Variants in PSD3 observed in about 807,000 individuals in gnomAD.
PSD3 encodes the protein pleckstrin and Sec7 domain containing 3.
PSD3 carries 49 observed loss-of-function variants against 105.5 expected under a neutral mutation model. The ratio of observed to expected loss-of-function variants is 0.46; its 90% CI spans 0.37 to 0.59. PSD3 has a LOEUF of 0.59. Among genes scored for constraint, PSD3 ranks in the 20% least tolerant of loss-of-function variants. The pLI, the probability that PSD3 is intolerant of heterozygous loss-of-function variation, is 0.00. For missense variants in PSD3, 1,561 were observed against 1,263.8 expected (o/e 1.24, Z -3.57); for synonymous variants, 557 against 457.8 (o/e 1.22, Z -2.77).
At chr8:18,668,198 C>A (rs1216432451) in intron 9 of PSD3, among the ~76,000 whole-genome samples, 1 of 152,174 alleles carries the variant, frequency 6.6e-6, no homozygotes, top group Non-Finnish European at 1.5e-5. Flanking sequence ...CGAGGGGTTG[C>A]GGAGAGTGAG....
intron 1 of PSD3, among the ~76,000 whole-genome samples, chr8:19,007,031 G>C (rs1826712585): frequency 6.6e-6 from 1 of 152,070 alleles, no homozygotes; most frequent in Admixed American, 6.6e-5. Flanking sequence ...GAGGGGGACA[G>C]ATCACCTGAG....
At chr8:18,889,672 T>C (rs1818660575) in intron 2 of PSD3, among the ~76,000 whole-genome samples, 1 of 152,316 alleles carries the variant, frequency 6.6e-6, no homozygotes, top group South Asian at 2.1e-4. Context: ...TGTTTCCCTG[T>C]GATCCCGTGC....
intron 8 of PSD3, among the ~76,000 whole-genome samples, chr8:18,772,959 A>G (rs1464140861): frequency 2.6e-5 from 4 of 152,170 alleles, no homozygotes; most frequent in Admixed American, 2.0e-4. Context: ...TGATTTGTAA[A>G]TATTTTATTC....
In PSD3 at chr8:18,872,258, T is replaced by G; in HGVS notation, c.606A>C (p.Glu202Asp). 3.1e-6 allele frequency: 5 copies of G among 1,614,220 alleles called. No individual in the cohort carries two copies. The highest frequency in any genetic ancestry group is 2.5e-6 in the Non-Finnish European group (3 of 1,180,036). Residue 202 changes from glutamate (E) to aspartate (D), a missense_variant, in exon 3 of 16, where the codon GAA becomes GAC. Physicochemically the swap from Glu to Asp is conservative, Grantham distance 45. Transcript: ENST00000327040. ...AATAAAAACTTTCCTCCGTTGTTAC[T>G]TCAGCTGAAAGAGGTATTTCTGGTA... ...KNLPEIPLSAEVTTEESFYLS... is the reference protein window; with the variant it reads ...KNLPEIPLSADVTTEESFYLS...
intron 9 of PSD3, among the ~76,000 whole-genome samples, chr8:18,720,605 T>A (rs576488275): frequency 6.6e-6 from 1 of 152,128 alleles, no homozygotes; most frequent in African/African-American, 2.4e-5. Flanking sequence ...GAAATGAAAA[T>A]TGATTCTTAC....
intron 12 of PSD3, among the ~76,000 whole-genome samples, chr8:18,594,970 T>C (rs1291370601): frequency 6.6e-6 from 1 of 152,002 alleles, no homozygotes; most frequent in Non-Finnish European, 1.5e-5. Flanking sequence ...TGAGCATATG[T>C]AGGAAAAATA....
At chr8:18,949,872 TCA>T (rs1238396417) in intron 1 of PSD3, among the ~76,000 whole-genome samples, 1 of 151,850 alleles carries the variant, frequency 6.6e-6, no homozygotes, top group African/African-American at 2.4e-5. Context: ...ATAAATTTTT[TCA>T]TCATATTTTA....
chr8:18,978,236 C>A (rs1033980079), intron 1 of PSD3, among the ~76,000 whole-genome samples: 1 of 152,242 alleles, frequency 6.6e-6, no homozygotes, highest in Admixed American at 6.5e-5. Context: ...CACGTCCACA[C>A]GCTGGGTTTC....
At chr8:19,076,122 G>C (rs907576727) in intron 1 of PSD3, among the ~76,000 whole-genome samples, 1 of 152,110 alleles carries the variant, frequency 6.6e-6, no homozygotes, top group Admixed American at 6.5e-5. Flanking sequence ...ACGGTGGAAG[G>C]GCAGTTTGCA....
intron 14 of PSD3, among the ~76,000 whole-genome samples, chr8:18,571,732 A>G (rs1424656304): frequency 6.6e-6 from 1 of 152,176 alleles, no homozygotes; most frequent in Admixed American, 6.5e-5. Flanking sequence ...GATATCAAAG[A>G]TGTATAGGGA....
intron 1 of PSD3, among the ~76,000 whole-genome samples, chr8:18,972,148 A>G (rs765845006): frequency 3.9e-5 from 6 of 152,250 alleles, no homozygotes; most frequent in Non-Finnish European, 8.8e-5. Flanking sequence ...TTCATAGAGT[A>G]TGATCTGATG....
chr8:18,808,763 A>G, intron 4 of PSD3: 5 of 1,614,082 alleles, frequency 3.1e-6, no homozygotes, highest in Admixed American at 3.3e-5. Context: ...ACCAGCAACC[A>G]TACAGACACC....
intron 1 of PSD3, among the ~76,000 whole-genome samples, chr8:18,960,782 G>A (rs571818581): frequency 2.6e-5 from 4 of 152,164 alleles, no homozygotes; most frequent in East Asian, 3.9e-4. Flanking sequence ...ATTCTGAGGG[G>A]GTAATCATAC....
chr8:18,916,297 G>GATATATATAT (rs71218908), intron 2 of PSD3, among the ~76,000 whole-genome samples: 4 of 31,268 alleles, frequency 1.3e-4, no homozygotes, highest in Non-Finnish European at 1.8e-4. Context: ...TAAAAAAAGT[G>GATATATATAT]ATATATATAT....
intron 9 of PSD3, among the ~76,000 whole-genome samples, chr8:18,757,513 ACT>A (rs1481113378): frequency 1.3e-5 from 2 of 151,864 alleles, no homozygotes; most frequent in African/African-American, 4.8e-5. Flanking sequence ...TTCAGATTCT[ACT>A]CTTTGTTTCT....
intron 10 of PSD3, among the ~76,000 whole-genome samples, chr8:18,637,835 C>T (rs375117035): frequency 1.3e-5 from 2 of 152,118 alleles, no homozygotes; most frequent in Admixed American, 1.3e-4. Flanking sequence ...TTCTGTCCTT[C>T]AAATTGATTA....
intron 1 of PSD3, among the ~76,000 whole-genome samples, chr8:18,955,831 C>T (rs966470538): frequency 2.6e-5 from 4 of 151,896 alleles, no homozygotes; most frequent in African/African-American, 7.3e-5. Context: ...TGTAGTGGTG[C>T]GAACTTGGCT....
chr8:18,952,573 C>T (rs1268783551), intron 1 of PSD3, among the ~76,000 whole-genome samples: 2 of 152,148 alleles, frequency 1.3e-5, no homozygotes, highest in Admixed American at 1.3e-4. Flanking sequence ...CTGTGAGAGA[C>T]TGATAACAAA....
intron 1 of PSD3, among the ~76,000 whole-genome samples, chr8:19,036,400 C>T (rs1827944660): frequency 6.6e-6 from 1 of 152,072 alleles, no homozygotes; most frequent in South Asian, 2.1e-4. Flanking sequence ...CCTTTAGACC[C>T]GCCTCCTGTC....
Sources: allele counts gnomAD v4.1 joint callset (sites outside exome capture counted in the v4.1 genomes callset), GRCh38; gene constraint gnomAD v4.1.1; transcripts MANE v1.5; gene names NCBI Gene and HGNC (gene_info 2026-07-23, HGNC 2026-07-21).